Variants in WWOX observed in about 807,000 individuals in gnomAD.
WWOX encodes WW domain-containing oxidoreductase.
A neutral mutation model predicts 46.2 loss-of-function variants in WWOX; 69 were observed. The observed-to-expected ratio is 1.49, with a 90% CI of 1.23 to 1.82. The LOEUF is 1.82. Ranked by LOEUF, WWOX falls within the 40% of genes most tolerant of loss-of-function variation. WWOX has a pLI of 0.00. For synonymous variants in WWOX, 359 were observed against 202.6 expected (o/e 1.77, Z -6.56); for missense variants, 919 against 542.6 (o/e 1.69, Z -6.89).
At chr16:78,430,819 G>T (rs893887221) in intron 7 of WWOX, among the ~76,000 whole-genome samples, 2 of 152,144 alleles carry the variant, frequency 1.3e-5, no homozygotes, top group African/African-American at 4.8e-5. Context: ...GAGTCCTGTG[G>T]AAGGGATATT....
chr16:78,883,383 C>A (rs574673046), intron 8 of WWOX, among the ~76,000 whole-genome samples: 1 of 152,164 alleles, frequency 6.6e-6, no homozygotes, highest in Admixed American at 6.5e-5. Flanking sequence ...CTCGTGAAAT[C>A]CTAAATACAG....
chr16:78,291,178 TA>T (rs1164797180), intron 5 of WWOX, among the ~76,000 whole-genome samples: 9 of 152,322 alleles, frequency 5.9e-5, no homozygotes, highest in Non-Finnish European at 1.0e-4. Flanking sequence ...TGAGATGACA[TA>T]TTTTTATCTG....
At chr16:78,102,823 T>C (rs1272028024) in intron 1 of WWOX, among the ~76,000 whole-genome samples, 1 of 152,134 alleles carries the variant, frequency 6.6e-6, no homozygotes, top group Non-Finnish European at 1.5e-5. Context: ...AGCCATAAGA[T>C]GAGCCCCTGT....
intron 5 of WWOX, among the ~76,000 whole-genome samples, chr16:78,218,045 C>CTTTCT (rs989808733): frequency 1.3e-5 from 2 of 151,952 alleles, no homozygotes; most frequent in Non-Finnish European, 2.9e-5. Flanking sequence ...CTGTGCTTGC[C>CTTTCT]TTTCTTTTCT....
intron 8 of WWOX, among the ~76,000 whole-genome samples, chr16:78,923,177 C>T (rs2151272261): frequency 6.6e-6 from 1 of 152,006 alleles, no homozygotes; most frequent in African/African-American, 2.4e-5. Context: ...GACGGGGTTT[C>T]TCCATGTTGG....
chr16:79,111,280 A>G (rs943706717), intron 8 of WWOX, among the ~76,000 whole-genome samples: 5 of 152,230 alleles, frequency 3.3e-5, no homozygotes, highest in Admixed American at 2.6e-4. Context: ...CTGTATCTGC[A>G]GATTCCTTTT....
At chr16:78,979,998 G>A (rs1238905107) in intron 8 of WWOX, among the ~76,000 whole-genome samples, 1 of 152,038 alleles carries the variant, frequency 6.6e-6, no homozygotes, top group Non-Finnish European at 1.5e-5. Flanking sequence ...TGTGTTGGTG[G>A]GCACCTGTAC....
chr16:78,625,341 G>C (rs945484975), intron 8 of WWOX, among the ~76,000 whole-genome samples: 1 of 152,104 alleles, frequency 6.6e-6, no homozygotes, highest in East Asian at 1.9e-4. Flanking sequence ...CAAGGCCAGC[G>C]TGTTCCATTT....
At position 78,174,759 on chromosome 16, in the gene WWOX, G is replaced by A. The variant is rs527737765; in HGVS notation, c.516+10470G>A. On this transcript the variant is annotated intron_variant, in intron 5 of 8. Transcript: ENST00000566780. ...TCCCAGCACTTTGGGAGGCCAAGGC[G>A]GGCGGATTGCCTGAGCTCAAAAGCT... Among the ~76,000 whole-genome samples the A allele has an allele frequency of 9.9e-5, 15 of 152,228 alleles. No homozygotes were observed. The East Asian group carries it at 2.5e-3, about 25-fold the overall frequency.
intron 7 of WWOX, among the ~76,000 whole-genome samples, chr16:78,427,420 CAATT>C (rs1476961699): frequency 6.6e-6 from 1 of 152,014 alleles, no homozygotes; most frequent in Admixed American, 6.6e-5. Context: ...TTTCAGATAA[CAATT>C]AAAGTAGAAT....
rs572121868 is a variant in WWOX at position 78,909,722 on chromosome 16, C to T, written c.1057-301886C>T. 2.6e-5 allele frequency among the ~76,000 whole-genome samples: 4 copies of T among 152,268 alleles called. No homozygotes were observed. In the South Asian group the frequency reaches 6.2e-4, roughly 24 times the overall value. The stretch of plus-strand genomic sequence containing the variant: ...ACATAGTTTGTTCTTTAAGCAAAAC[C>T]ATATGCATCGTATTTTAAATGGAAC... On this transcript the variant is annotated intron_variant, in intron 8 of 8. Transcript: ENST00000566780.
chr16:79,087,223 G>A (rs1411165129), intron 8 of WWOX, among the ~76,000 whole-genome samples: 1 of 152,248 alleles, frequency 6.6e-6, no homozygotes, highest in African/African-American at 2.4e-5. Context: ...ATCTTCAAAA[G>A]TGGCATGGAT....
intron 4 of WWOX, among the ~76,000 whole-genome samples, chr16:78,116,425 C>G (rs1249458069): frequency 6.6e-6 from 1 of 152,054 alleles, no homozygotes; most frequent in African/African-American, 2.4e-5. Context: ...GGTTGCCATC[C>G]GAGTGGAGAA....
chr16:78,421,321 G>A (rs2082924527), intron 6 of WWOX, among the ~76,000 whole-genome samples: 2 of 152,026 alleles, frequency 1.3e-5, no homozygotes, highest in South Asian at 2.1e-4. Context: ...TCCCATGACT[G>A]CCAGCCACCC....
At chr16:78,733,283 C>G (rs906527763) in intron 8 of WWOX, among the ~76,000 whole-genome samples, 11 of 152,020 alleles carry the variant, frequency 7.2e-5, no homozygotes, top group Non-Finnish European at 1.0e-4. Context: ...AGGGAGATCA[C>G]TGTTTCTACA....
At chr16:78,206,550 T>G (rs1459315792) in intron 5 of WWOX, among the ~76,000 whole-genome samples, 1 of 152,202 alleles carries the variant, frequency 6.6e-6, no homozygotes, top group Non-Finnish European at 1.5e-5. Flanking sequence ...AGAAACCATC[T>G]ATAAATATTA....
At chr16:78,264,682 A>G (rs1410361483) in intron 5 of WWOX, 1 of 152,210 alleles carries the variant, frequency 6.6e-6, no homozygotes. Context: ...CAGGGTCTAT[A>G]CATGTGGTAT....
intron 8 of WWOX, among the ~76,000 whole-genome samples, chr16:78,571,380 T>G (rs1164401329): frequency 1.3e-5 from 2 of 152,138 alleles, no homozygotes; most frequent in East Asian, 3.8e-4. Context: ...TATATATATA[T>G]AGTGTGCATT....
intron 8 of WWOX, among the ~76,000 whole-genome samples, chr16:78,577,186 A>T (rs1279895942): frequency 6.6e-6 from 1 of 152,234 alleles, no homozygotes; most frequent in Non-Finnish European, 1.5e-5. Context: ...GGCTAAAGTC[A>T]GTTACATAAC....
Sources: allele counts gnomAD v4.1 joint callset (sites outside exome capture counted in the v4.1 genomes callset), GRCh38; gene constraint gnomAD v4.1.1; transcripts MANE v1.5; gene names NCBI Gene and HGNC (gene_info 2026-07-23, HGNC 2026-07-21).